CFAP92: variants seen among roughly 807,000 people sequenced by gnomAD.
The protein encoded by CFAP92 is cilia and flagella associated protein 92 (putative), also known as uncharacterized protein CFAP92.
In CFAP92, 86 loss-of-function variants were observed where a neutral mutation model predicts 106.3. The observed-to-expected ratio is 0.81, with a 90% CI of 0.68 to 0.97. The LOEUF is 0.97. Among genes scored for constraint, CFAP92 ranks in the 50% least tolerant of loss-of-function variants. CFAP92 has a pLI of 0.00. For missense variants in CFAP92, 1,204 were observed against 1,283.8 expected (o/e 0.94, Z 0.95); for synonymous variants, 477 against 506.4 (o/e 0.94, Z 0.78).
rs1938564299 is a variant in CFAP92, at chr3:128,932,962, C to T, written c.2489G>A (p.Trp830Ter). Residue 830 changes from tryptophan to a stop codon, truncating the protein, a stop_gained, in exon 12 of 16, where the codon TGG becomes TAG. Transcript: ENST00000645291. LOFTEE classifies it high-confidence loss of function. ...HDICYNSTTL[W>*]DVTVRDLLPS... ...CAGCAGGTCCCTCACCGTCACGTCC[C>T]AGAGGGTGGTGCTGTTATAGCAGAT... 1 of 1,536,018 alleles carries T rather than the reference C, an allele frequency of 6.5e-7. No individual in the cohort carries two copies. The highest frequency in any genetic ancestry group is 2.0e-5 in the Admixed American group (1 of 50,982).
intron 12 of CFAP92, 21 bp downstream of exon 12, chr3:128,932,679 T>C (rs1013410622): frequency 2.0e-6 from 3 of 1,519,278 alleles, no homozygotes; most frequent in Admixed American, 2.0e-5. Context: ...GAACCCCAAG[T>C]TGGGGAGGAA....
chr3:128,956,184 T>TAAAAAAAAAAAAAAA (rs369899266), intron 9 of CFAP92, among the ~76,000 whole-genome samples: 1 of 49,288 alleles, frequency 2.0e-5, no homozygotes, highest in Non-Finnish European at 3.8e-5. Context: ...AAAAATAAAT[T>TAAAAAAAAAAAAAAA]AAAAAAAAAA....
chr3:128,988,773 C>T lies in CFAP92; in HGVS notation c.408G>A (p.Leu136=). The change falls in exon 3 of 16, where the codon TTG becomes TTA. Residue 136 remains leucine (L), a synonymous_variant. Transcript: ENST00000645291. ...ATACTTTGGCCACCATTGGAAATAG[C>T]AATATGTCAACTTTTTTAGGTTCTT... ...DDEEPKKVDI[L]LFPMVAKVFL... is the part of the protein sequence containing the mutation. The T allele has an allele frequency of 1.9e-6, 3 of 1,613,980 alleles. No individual in the cohort carries two copies. The highest frequency in any genetic ancestry group is 1.3e-5 in the African/African-American group (1 of 75,028).
At chr3:128,960,598 C>G (rs900249281) in intron 9 of CFAP92, among the ~76,000 whole-genome samples, 3 of 152,238 alleles carry the variant, frequency 2.0e-5, no homozygotes, top group Non-Finnish European at 1.5e-5. Flanking sequence ...GCAGCCTTCC[C>G]TTGGTGTTTA....
chr3:128,932,242 AC>A (rs551140818), intron 12 of CFAP92, among the ~76,000 whole-genome samples: 1 of 152,122 alleles, frequency 6.6e-6, no homozygotes, highest in Admixed American at 6.5e-5. Flanking sequence ...CATTCAGGCC[AC>A]ACAGCACCAG....
At chr3:128,996,396 A>G (rs1278711393), upstream of CFAP92, among the ~76,000 whole-genome samples, 6 of 152,230 alleles carry the variant, frequency 3.9e-5, no homozygotes, top group Non-Finnish European at 8.8e-5. Flanking sequence ...ATATTTTTAA[A>G]TTACCACCAA....
intron 11 of CFAP92, 122 bp downstream of exon 11, chr3:128,935,003 C>A (rs1938830466): frequency 7.2e-6 from 5 of 698,328 alleles, no homozygotes; most frequent in South Asian, 2.3e-5. Context: ...CTCCTCCCCC[C>A]ACCATCTGTT....
intron 10 of CFAP92, among the ~76,000 whole-genome samples, chr3:128,940,034 C>T (rs951150641): frequency 3.9e-5 from 6 of 152,152 alleles, no homozygotes; most frequent in Admixed American, 2.0e-4. Flanking sequence ...CTGGACATTC[C>T]GCATAAATTG....
Position 128,924,432 on chromosome 3 carries a change from CTTTTTTTTTTT to C in CFAP92, c.2752-8172_2752-8162del, listed in dbSNP as rs71153151. 3.3e-3 allele frequency among the ~76,000 whole-genome samples: 228 copies of C among 69,824 alleles called. 1 individual carries two copies. Among genetic ancestry groups the C allele is most frequent in the African/African-American group, 9.7e-3 (173 of 17,904 alleles). 45.8% of individuals were successfully genotyped at this position (69,824 alleles called of 152,430 possible). ...TCCCAGGCTCATAGAACGATTGTAT[CTTTTTTTTTTT>C]TTTTTTTTTTTTTTTTTTGAGACAG... On this transcript the variant is annotated intron_variant, in intron 12 of 15. Coordinates refer to ENST00000645291, the MANE Select transcript of CFAP92 (RefSeq NM_001394090.1).
In CFAP92 at chr3:128,936,800, T is replaced by A. The variant is rs1426482399; in HGVS notation, c.2259-1481A>T. Among the ~76,000 whole-genome samples the A allele has an allele frequency of 3.3e-5, 5 of 152,358 alleles. No homozygotes were observed. The East Asian group carries it at 9.6e-4, about 29-fold the overall frequency. On this transcript the variant is annotated intron_variant, in intron 10 of 15. Transcript: ENST00000645291. The stretch of plus-strand genomic sequence containing the variant: ...CTGAAGACTGCCCAGTCTGTGTGTG[T>A]ACCTCAAATTGTAATTCTTGCTTCC...
chr3:128,971,648 G>C (rs992303679), intron 7 of CFAP92, among the ~76,000 whole-genome samples: 4 of 152,184 alleles, frequency 2.6e-5, no homozygotes, highest in African/African-American at 9.7e-5. Context: ...AATAGGGTGA[G>C]GGCCTCTCAT....
chr3:128,912,613 G>C, intron 15 of CFAP92: 1 of 1,613,204 alleles, frequency 6.2e-7, no homozygotes, highest in East Asian at 2.2e-5. Flanking sequence ...GCTGAGGCAG[G>C]GGACAGTGTC....
chr3:128,964,779 A>G (rs900310938), intron 9 of CFAP92, among the ~76,000 whole-genome samples: 31 of 152,112 alleles, frequency 2.0e-4, no homozygotes, highest in East Asian at 9.7e-4. Flanking sequence ...CCTTACCACA[A>G]GACCTCCCTT....
intron 4 of CFAP92, 108 bp from the exon 5 acceptor site, chr3:128,978,293 A>G: frequency 9.1e-7 from 1 of 1,096,818 alleles, no homozygotes; most frequent in Non-Finnish European, 1.3e-6. Flanking sequence ...GTTTCAGACT[A>G]CACTAAAGTA....
At chr3:129,017,345 C>G in the CFAP92 span, among the ~76,000 whole-genome samples, 403 of 152,308 alleles carry the variant, frequency 2.6e-3, 3 homozygotes, top group African/African-American at 9.1e-3. Context: ...CAACCATAGC[C>G]GATCACCACA....
chr3:128,912,811 C>G, intron 15 of CFAP92: 1 of 722,310 alleles, frequency 1.4e-6, no homozygotes. Context: ...AGGACCATCA[C>G]AGCTTCTGAA....
chr3:129,015,262 C>T, the CFAP92 span, among the ~76,000 whole-genome samples: 4 of 152,160 alleles, frequency 2.6e-5, no homozygotes, highest in African/African-American at 9.7e-5. Flanking sequence ...AAGCCTACTC[C>T]TGACCAATCC....
chr3:128,994,131 T>C (rs928811982), upstream of CFAP92: 8 of 985,754 alleles, frequency 8.1e-6, no homozygotes, highest in Non-Finnish European at 8.4e-6. Flanking sequence ...CTCAGCTACG[T>C]TTGGCGGTTG....
chr3:128,948,115 C>T (rs1940417207), intron 9 of CFAP92, among the ~76,000 whole-genome samples: 1 of 152,122 alleles, frequency 6.6e-6, no homozygotes, highest in South Asian at 2.1e-4. Flanking sequence ...AAACTACAGA[C>T]TGGGAGAAAA....
Sources: gnomAD v4.1 joint callset for allele counts (sites outside exome capture counted in the v4.1 genomes callset) on GRCh38, gnomAD v4.1.1 for gene constraint, MANE v1.5 for transcripts, NCBI Gene and HGNC (gene_info 2026-07-23, HGNC 2026-07-21) for gene names.